Variants in BMPR1B observed in about 807,000 individuals in gnomAD.
The protein encoded by BMPR1B is bone morphogenetic protein receptor type 1B.
A neutral mutation model predicts 59.1 loss-of-function variants in BMPR1B; 12 were observed. The observed-to-expected ratio is 0.20, with a 90% confidence interval of 0.13 to 0.33. BMPR1B has a LOEUF of 0.33. Ranked by LOEUF, BMPR1B falls within the 10% of genes least tolerant of loss-of-function variation. The pLI is 1.00. For synonymous variants in BMPR1B, 237 were observed against 207.3 expected, an observed-to-expected ratio of 1.14 and a Z score of -1.23; for missense variants, 550 against 610.9, an observed-to-expected ratio of 0.90 and a Z score of 1.05.
chr4:95,005,819 T>C (rs1722781923), intron 3 of BMPR1B, among the ~76,000 whole-genome samples: 1 of 152,202 alleles, frequency 6.6e-6, no homozygotes, highest in South Asian at 2.1e-4. Flanking sequence ...AGAAAATCTT[T>C]CCAGTTGTAA....
At chr4:94,979,363 T>C (rs973454476) in intron 2 of BMPR1B, among the ~76,000 whole-genome samples, 1 of 152,212 alleles carries the variant, frequency 6.6e-6, no homozygotes, top group Non-Finnish European at 1.5e-5. Context: ...AACTTACACA[T>C]ATTTTTGTTT....
chr4:94,792,333 C>T (rs750853722), intron 1 of BMPR1B, among the ~76,000 whole-genome samples: 8 of 152,178 alleles, frequency 5.3e-5, no homozygotes, highest in Admixed American at 1.3e-4. Flanking sequence ...GGGCTGATTT[C>T]TTCAATCTGT....
intron 1 of BMPR1B, among the ~76,000 whole-genome samples, chr4:94,863,072 C>T (rs1047046708): frequency 5.9e-5 from 9 of 151,802 alleles, no homozygotes; most frequent in South Asian, 2.1e-4. Context: ...GCCGAGATCG[C>T]GCCACTGCAC....
chr4:95,027,590 A>G (rs1201688602), intron 3 of BMPR1B, among the ~76,000 whole-genome samples: 3 of 152,180 alleles, frequency 2.0e-5, no homozygotes, highest in African/African-American at 7.2e-5. Context: ...TAACAATCAT[A>G]AACTTACTTG....
At chr4:94,983,579 A>G (rs1308707223) in intron 2 of BMPR1B, among the ~76,000 whole-genome samples, 1 of 152,226 alleles carries the variant, frequency 6.6e-6, no homozygotes, top group East Asian at 1.9e-4. Flanking sequence ...TGATAGTCTC[A>G]ATATGGAAAA....
chr4:95,105,364 G>C (rs1217705130), intron 4 of BMPR1B, among the ~76,000 whole-genome samples: 1 of 151,974 alleles, frequency 6.6e-6, no homozygotes, highest in Non-Finnish European at 1.5e-5. Flanking sequence ...TTCAAGAGAG[G>C]GCGTGGACTT....
rs372495687 is a variant in BMPR1B, at chr4:94,882,903, G to A, written c.-113+7003G>A. 1.8e-4 allele frequency among the ~76,000 whole-genome samples: 28 copies of A among 152,170 alleles called. No individual in the cohort carries two copies. The South Asian group carries it at 4.1e-3, about 23-fold the overall frequency. On this transcript the variant is annotated intron_variant, in intron 2 of 12. Coordinates refer to ENST00000515059, the MANE Select transcript of BMPR1B (RefSeq NM_001203.3). ...TCACCTTCAGAATGCTTAGAGGTAG[G>A]ATCAGAACTAGCCCCAGGCTGAATT...
At chr4:95,025,493 G>A (rs1304014810) in intron 3 of BMPR1B, among the ~76,000 whole-genome samples, 1 of 152,088 alleles carries the variant, frequency 6.6e-6, no homozygotes, top group African/African-American at 2.4e-5. Context: ...AAGACAAGGG[G>A]TTCAATTTGG....
intron 1 of BMPR1B, among the ~76,000 whole-genome samples, chr4:94,758,290 C>T (rs902222406): frequency 1.3e-5 from 2 of 150,554 alleles, no homozygotes; most frequent in African/African-American, 4.9e-5. Flanking sequence ...GTGGCGGCGG[C>T]GGGGAGGGGG....
At chr4:94,823,654 G>A (rs981699572) in intron 1 of BMPR1B, among the ~76,000 whole-genome samples, 10 of 152,134 alleles carry the variant, frequency 6.6e-5, no homozygotes, top group Non-Finnish European at 1.0e-4. Context: ...ATTTACCAGG[G>A]CTGTTTTCTG....
intron 3 of BMPR1B, among the ~76,000 whole-genome samples, chr4:95,018,712 A>G (rs1723758867): frequency 6.6e-6 from 1 of 152,222 alleles, no homozygotes; most frequent in Non-Finnish European, 1.5e-5. Flanking sequence ...AATGATAAAT[A>G]ACTACTATTT....
At chr4:95,067,404 A>G (rs1394459558) in intron 3 of BMPR1B, among the ~76,000 whole-genome samples, 1 of 152,158 alleles carries the variant, frequency 6.6e-6, no homozygotes, top group African/African-American at 2.4e-5. Flanking sequence ...GGAATAACAC[A>G]TTTGTTCCAA....
At chr4:95,096,879 TATTTA>T (rs1215425118) in intron 3 of BMPR1B, among the ~76,000 whole-genome samples, 2 of 142,468 alleles carry the variant, frequency 1.4e-5, no homozygotes, top group Admixed American at 7.3e-5. Flanking sequence ...GTTATATATA[TATTTA>T]ATTTAAACAT....
At chr4:95,048,066 G>A (rs1726175140) in intron 3 of BMPR1B, among the ~76,000 whole-genome samples, 1 of 152,140 alleles carries the variant, frequency 6.6e-6, no homozygotes, top group Non-Finnish European at 1.5e-5. Context: ...GGATACATCT[G>A]TTCCTGTGTT....
intron 6 of BMPR1B, among the ~76,000 whole-genome samples, chr4:95,116,667 G>A (rs942333445): frequency 6.6e-6 from 1 of 150,908 alleles, no homozygotes; most frequent in African/African-American, 2.4e-5. Flanking sequence ...CCAGGCTGGA[G>A]TGCATGGTGT....
chr4:94,961,466 C>A (rs987368320), intron 2 of BMPR1B, among the ~76,000 whole-genome samples: 1 of 152,090 alleles, frequency 6.6e-6, no homozygotes, highest in African/African-American at 2.4e-5. Flanking sequence ...TTTTATCATT[C>A]TTTTTTTCTG....
intron 2 of BMPR1B, among the ~76,000 whole-genome samples, chr4:94,942,949 G>A (rs1729572357): frequency 6.6e-6 from 1 of 152,104 alleles, no homozygotes; most frequent in Admixed American, 6.6e-5. Context: ...GCTTATTCAT[G>A]GCGGTGTTCT....
At chr4:95,042,173 G>A (rs1725705191) in intron 3 of BMPR1B, among the ~76,000 whole-genome samples, 1 of 152,132 alleles carries the variant, frequency 6.6e-6, no homozygotes, top group African/African-American at 2.4e-5. Flanking sequence ...AACTTTTTGA[G>A]TACCCACCTA....
chr4:95,131,654 T>C (rs1055671522), intron 10 of BMPR1B, 142 bp downstream of exon 10: 6 of 964,038 alleles, frequency 6.2e-6, no homozygotes, highest in Admixed American at 2.2e-5. Flanking sequence ...CCAAACATTT[T>C]ATTAGCAACA....
Sources: allele counts gnomAD v4.1 joint callset (sites outside exome capture counted in the v4.1 genomes callset), GRCh38; gene constraint gnomAD v4.1.1; transcripts MANE v1.5; gene names NCBI Gene and HGNC (gene_info 2026-07-23, HGNC 2026-07-21).